Variants in PAK1IP1 observed in about 807,000 individuals in gnomAD.
PAK1IP1 encodes p21-activated protein kinase-interacting protein 1.
PAK1IP1 carries 24 observed loss-of-function variants against 42.0 expected under a neutral mutation model. That is an observed-to-expected ratio of 0.57 (90% confidence interval 0.41 to 0.80). The LOEUF is 0.80. PAK1IP1 is among the 30% of genes least tolerant of loss of function. The pLI, the probability that PAK1IP1 is intolerant of heterozygous loss-of-function variation, is 0.00. For missense variants in PAK1IP1, 411 were observed against 467.9 expected (o/e 0.88, Z 1.12); for synonymous variants, 154 against 156.7 (o/e 0.98, Z 0.13).
At chr6:10,694,764 G>A (rs1343041893), upstream of PAK1IP1, 1 of 499,428 alleles carries the variant, frequency 2.0e-6, no homozygotes, top group African/African-American at 1.9e-5. Flanking sequence ...ACCTCCTCAT[G>A]TGGCATCTTT....
chr6:10,707,750 A>G (rs1357715484), intron 8 of PAK1IP1, among the ~76,000 whole-genome samples: 1 of 152,220 alleles, frequency 6.6e-6, no homozygotes, highest in Non-Finnish European at 1.5e-5. Context: ...TAGTCAGAGA[A>G]GCTCTACTTT....
intron 7 of PAK1IP1, among the ~76,000 whole-genome samples, chr6:10,705,250 G>A (rs774978452): frequency 3.9e-5 from 6 of 152,028 alleles, no homozygotes; most frequent in East Asian, 1.9e-4. Context: ...CCCTGGAGGC[G>A]GAGGTTGCAG....
chr6:10,696,716 G>A (rs1009916677), intron 1 of PAK1IP1, among the ~76,000 whole-genome samples: 1 of 152,232 alleles, frequency 6.6e-6, no homozygotes, highest in African/African-American at 2.4e-5. Flanking sequence ...GGCGAGGCAG[G>A]TGGATCACCT....
At chr6:10,701,090 T>G (rs1166116943) in intron 2 of PAK1IP1, among the ~76,000 whole-genome samples, 2 of 152,200 alleles carry the variant, frequency 1.3e-5, no homozygotes, top group Non-Finnish European at 2.9e-5. Context: ...TCTTTCCTTC[T>G]TTTTTGAGAT....
At chr6:10,700,443 A>G (rs1769993069) in intron 2 of PAK1IP1, among the ~76,000 whole-genome samples, 1 of 152,154 alleles carries the variant, frequency 6.6e-6, no homozygotes, top group Non-Finnish European at 1.5e-5. Flanking sequence ...ATCACCTCCT[A>G]AAGGTCTCAC....
chr6:10,691,267 ATTCGGCCGGGATC>A (rs1289922169), upstream of PAK1IP1, among the ~76,000 whole-genome samples: 2 of 152,230 alleles, frequency 1.3e-5, no homozygotes, highest in Non-Finnish European at 2.9e-5. Flanking sequence ...GAAGGGCTTT[ATTCGGCCGGGATC>A]TTCGGCAAGA....
chr6:10,702,698 A>G, intron 4 of PAK1IP1, 59 bp downstream of exon 4: 1 of 1,199,058 alleles, frequency 8.3e-7, no homozygotes, highest in Non-Finnish European at 1.2e-6. Flanking sequence ...ACAGCTCTCC[A>G]CCATCTAAAA....
intron 7 of PAK1IP1, among the ~76,000 whole-genome samples, chr6:10,705,052 C>T (rs1451024315): frequency 6.6e-6 from 1 of 152,134 alleles, no homozygotes; most frequent in Non-Finnish European, 1.5e-5. Flanking sequence ...GGGCCGGGAG[C>T]AGTAGCTCAC....
rs1769748332 is a variant in PAK1IP1, at chr6:10,694,989, G to A, written c.4G>A (p.Glu2Lys). The A allele has an allele frequency of 2.5e-6, 4 of 1,599,242 alleles. No individual in the cohort carries two copies. The highest frequency in any genetic ancestry group is 3.4e-6 in the Non-Finnish European group (4 of 1,178,882). The change falls in exon 1 of 10, where the codon GAG becomes AAG. Residue 2 changes from glutamate to lysine, a missense_variant. By Grantham distance (56) the Glu-to-Lys change is moderately conservative. Coordinates refer to ENST00000379568, the MANE Select transcript of PAK1IP1 (RefSeq NM_017906.3). MELVAGCYEQVL... is the reference protein window; with the variant it reads MKLVAGCYEQVL... Reference sequence around the variant, plus strand: ...GAAGAGGCACGTGCGCTGCTGAATGGAGCTGGTCGCTGGTTGCTACGAGCA... The same window carrying A: ...GAAGAGGCACGTGCGCTGCTGAATGAAGCTGGTCGCTGGTTGCTACGAGCA...
chr6:10,709,196 G>A, intron 9 of PAK1IP1, 42 bp from the exon 10 acceptor site: 2 of 1,555,534 alleles, frequency 1.3e-6, no homozygotes. Flanking sequence ...ATTCAAAGGG[G>A]AAAACAGTCT....
intron 8 of PAK1IP1, among the ~76,000 whole-genome samples, chr6:10,708,256 AT>A: frequency 6.9e-6 from 1 of 145,884 alleles, no homozygotes; most frequent in African/African-American, 2.6e-5. Context: ...GGATTTGCCT[AT>A]TCTGGACATT....
chr6:10,699,911 C>G (rs1369178196), intron 2 of PAK1IP1, among the ~76,000 whole-genome samples: 2 of 152,132 alleles, frequency 1.3e-5, no homozygotes, highest in African/African-American at 2.4e-5. Context: ...AAGGCACCAG[C>G]AGATTTTCTT....
At chr6:10,708,028 T>C (rs1478560529) in intron 8 of PAK1IP1, among the ~76,000 whole-genome samples, 1 of 151,740 alleles carries the variant, frequency 6.6e-6, no homozygotes, top group Non-Finnish European at 1.5e-5. Flanking sequence ...CTGATTCCTT[T>C]CTTTAGAATT....
intron 1 of PAK1IP1, among the ~76,000 whole-genome samples, chr6:10,695,429 G>C (rs1275517874): frequency 6.6e-6 from 1 of 152,088 alleles, no homozygotes; most frequent in Non-Finnish European, 1.5e-5. Flanking sequence ...TTCTGCCCTG[G>C]AATTTTACAA....
rs746255966 is a variant in PAK1IP1, at chr6:10,702,393, A to G, written c.272A>G (p.Tyr91Cys). 9 of 1,613,760 alleles carry G rather than the reference A, an allele frequency of 5.6e-6. No homozygotes were observed. Among genetic ancestry groups the G allele is most frequent in the African/African-American group, 4.0e-5 (3 of 75,056 alleles). Reference sequence around the variant, plus strand: ...GGTACAATAACTTGCCTGAAATTCTATGGCAACAGGCATTTAATCAGTGGA... The same window carrying G: ...GGTACAATAACTTGCCTGAAATTCTGTGGCAACAGGCATTTAATCAGTGGA... ...HSGTITCLKF[Y>C]GNRHLISGAE... The change falls in exon 3 of 10, where the codon TAT becomes TGT. Residue 91 changes from tyrosine to cysteine, a missense_variant. Transcript: ENST00000379568.
chr6:10,704,918 G>T, intron 7 of PAK1IP1, 74 bp downstream of exon 7: 1 of 905,644 alleles, frequency 1.1e-6, no homozygotes, highest in Non-Finnish European at 1.9e-6. Context: ...CATAAGCCAG[G>T]TTATATGTTT....
chr6:10,694,908 T>G (rs566669973), upstream of PAK1IP1: 426 of 845,734 alleles, frequency 5.0e-4, no homozygotes, highest in African/African-American at 1.7e-3. Flanking sequence ...CAGGTGTTTT[T>G]TTTTTTTTTT....
At chr6:10,706,751 C>T (rs1315718077) in intron 7 of PAK1IP1, among the ~76,000 whole-genome samples, 7 of 151,874 alleles carry the variant, frequency 4.6e-5, no homozygotes, top group Non-Finnish European at 8.8e-5. Context: ...GGTATGGTGG[C>T]GCACGCCTGT....
At chr6:10,707,643 T>G in intron 8 of PAK1IP1, 129 bp downstream of exon 8, 1 of 582,338 alleles carries the variant, frequency 1.7e-6, no homozygotes, top group Middle Eastern at 3.0e-4. Flanking sequence ...ATGATTGATA[T>G]TAATGGTTTT....
Sources: allele counts gnomAD v4.1 joint callset (sites outside exome capture counted in the v4.1 genomes callset), GRCh38; gene constraint gnomAD v4.1.1; transcripts MANE v1.5; gene names NCBI Gene and HGNC (gene_info 2026-07-23, HGNC 2026-07-21).